Variants in ADGRB3 observed in about 807,000 individuals in gnomAD.
The protein encoded by ADGRB3 is adhesion G protein-coupled receptor B3.
ADGRB3 carries 37 observed loss-of-function variants against 193.4 expected under a neutral mutation model. That is an observed-to-expected ratio of 0.19 (90% CI 0.15 to 0.25). The LOEUF (loss-of-function observed/expected upper bound fraction) is 0.25, where lower values mean the gene tolerates loss of function less well. ADGRB3 is among the 10% of genes least tolerant of loss of function. The probability of loss-of-function intolerance (pLI) is 1.00; values close to 1 mark genes in which losing one functional copy is unlikely to be tolerated. For synonymous variants in ADGRB3, 690 were observed against 644.2 expected, an observed-to-expected ratio of 1.07 and a Z score of -1.08; for missense variants, 1,637 against 1,852.9, an observed-to-expected ratio of 0.88 and a Z score of 2.14.
chr6:69,368,001 G>T (rs920145831), intron 29 of ADGRB3, among the ~76,000 whole-genome samples: 1 of 122,368 alleles, frequency 8.2e-6, no homozygotes, highest in Non-Finnish European at 1.7e-5. Context: ...GTGGTGGGGT[G>T]GGGGGAGGGG....
intron 13 of ADGRB3, among the ~76,000 whole-genome samples, chr6:69,044,194 T>G (rs1215625964): frequency 9.2e-5 from 14 of 152,208 alleles, no homozygotes; most frequent in Non-Finnish European, 1.8e-4. Context: ...ACCACTGTTC[T>G]TATATTTTGG....
chr6:69,133,129 G>T (rs1421850371), intron 17 of ADGRB3, among the ~76,000 whole-genome samples: 1 of 152,026 alleles, frequency 6.6e-6, no homozygotes, highest in Non-Finnish European at 1.5e-5. Flanking sequence ...GGTTCCATAT[G>T]AAATTTAAAG....
At chr6:69,009,570 T>C (rs971473595) in intron 11 of ADGRB3, among the ~76,000 whole-genome samples, 1 of 152,168 alleles carries the variant, frequency 6.6e-6, no homozygotes, top group African/African-American at 2.4e-5. Context: ...GGATCACATA[T>C]GGCCTTGCAG....
chr6:69,083,175 T>C (rs1441754393), intron 17 of ADGRB3, among the ~76,000 whole-genome samples: 3 of 152,230 alleles, frequency 2.0e-5, no homozygotes, highest in Non-Finnish European at 2.9e-5. Context: ...GAGTAATACA[T>C]CTCACATCTC....
chr6:69,313,478 C>A (rs1021381568), intron 20 of ADGRB3, among the ~76,000 whole-genome samples: 1 of 151,818 alleles, frequency 6.6e-6, no homozygotes, highest in South Asian at 2.1e-4. Flanking sequence ...CAAAGTTATA[C>A]AAGAAATATT....
At chr6:69,113,947 A>G (rs551462146) in intron 17 of ADGRB3, among the ~76,000 whole-genome samples, 3 of 152,330 alleles carry the variant, frequency 2.0e-5, no homozygotes, top group South Asian at 2.1e-4. Context: ...AAAAATTTGC[A>G]TTACCTAATT....
intron 29 of ADGRB3, among the ~76,000 whole-genome samples, chr6:69,366,360 A>G (rs545839940): frequency 6.6e-6 from 1 of 152,230 alleles, no homozygotes; most frequent in Non-Finnish European, 1.5e-5. Flanking sequence ...TTTATTGGTC[A>G]CTTTGTAATA....
intron 20 of ADGRB3, among the ~76,000 whole-genome samples, chr6:69,309,524 A>T (rs1026351287): frequency 2.6e-5 from 4 of 151,728 alleles, no homozygotes; most frequent in South Asian, 2.1e-4. Context: ...TTTCTCTTTG[A>T]AATATACACT....
intron 13 of ADGRB3, among the ~76,000 whole-genome samples, chr6:69,024,762 G>A (rs949696713): frequency 1.3e-5 from 2 of 152,166 alleles, no homozygotes; most frequent in African/African-American, 4.8e-5. Flanking sequence ...CTTTGAAAAG[G>A]TAAATATTAC....
chr6:69,309,964 C>A lies in ADGRB3; in HGVS notation c.2815-14908C>A, dbSNP rs547861023. On this transcript the variant is annotated intron_variant, in intron 20 of 31. Transcript: ENST00000370598. ...AAAACACATTTCCCTTCCTTCTCCA[C>A]CCTTCCCCACCCTGTCTTCCTCAAC... is the stretch of plus-strand genomic sequence containing the variant. Among the ~76,000 whole-genome samples, 8 of 151,728 alleles carry A rather than the reference C, an allele frequency of 5.3e-5. No homozygotes were observed. The South Asian group carries it at 1.7e-3, about 31-fold the overall frequency.
intron 3 of ADGRB3, among the ~76,000 whole-genome samples, chr6:68,872,325 A>G (rs1004599617): frequency 2.0e-5 from 3 of 152,266 alleles, no homozygotes; most frequent in Admixed American, 6.5e-5. Flanking sequence ...TTTATTTTAC[A>G]TAATGCAATA....
rs563029407 is a variant in ADGRB3 at position 68,806,383 on chromosome 6, T to G, written c.758-124176T>G. On this transcript the variant is annotated intron_variant, in intron 3 of 31. Transcript: ENST00000370598. ...GTTGTTAAAATATTTTAAATTCTTT[T>G]TAATGGTTATATAATGGTCTAGAGA... Among the ~76,000 whole-genome samples, 7 of 152,230 alleles carry G rather than the reference T, an allele frequency of 4.6e-5. No homozygotes were observed. In the South Asian group the frequency reaches 1.2e-3, roughly 27 times the overall value.
chr6:69,146,482 C>G (rs1393492041), intron 17 of ADGRB3, among the ~76,000 whole-genome samples: 4 of 152,192 alleles, frequency 2.6e-5, no homozygotes, highest in Non-Finnish European at 5.9e-5. Flanking sequence ...GGGTGGGGCT[C>G]CTGCCTGCTC....
intron 8 of ADGRB3, among the ~76,000 whole-genome samples, chr6:68,962,018 C>G (rs3798970): frequency 6.6e-6 from 1 of 151,916 alleles, no homozygotes; most frequent in South Asian, 2.1e-4. Flanking sequence ...CAAATTAGGC[C>G]CTACTCAAGT....
chr6:68,996,733 CTCA>C (rs1769394393), intron 11 of ADGRB3, among the ~76,000 whole-genome samples: 2 of 152,180 alleles, frequency 1.3e-5, no homozygotes, highest in Admixed American at 6.5e-5. Context: ...TCTTCTGCAT[CTCA>C]TCATATCTTG....
intron 20 of ADGRB3, among the ~76,000 whole-genome samples, chr6:69,256,431 G>T (rs13211708): frequency 7.9e-5 from 12 of 152,178 alleles, no homozygotes; most frequent in African/African-American, 1.9e-4. Context: ...CCCTTGTAAG[G>T]TGGATTCCTA....
chr6:68,945,027 C>A (rs749914400), intron 6 of ADGRB3, among the ~76,000 whole-genome samples: 2 of 152,092 alleles, frequency 1.3e-5, no homozygotes, highest in Non-Finnish European at 2.9e-5. Context: ...TTAAATACCC[C>A]CAAGTTAATG....
chr6:69,124,418 A>G (rs1192865976), intron 17 of ADGRB3, among the ~76,000 whole-genome samples: 1 of 152,128 alleles, frequency 6.6e-6, no homozygotes, highest in Non-Finnish European at 1.5e-5. Flanking sequence ...TCTGAGTTAG[A>G]ATTCTGTAGC....
intron 20 of ADGRB3, among the ~76,000 whole-genome samples, chr6:69,304,371 T>G (rs1260656167): frequency 6.6e-6 from 1 of 151,636 alleles, no homozygotes; most frequent in Non-Finnish European, 1.5e-5. Context: ...ATTCTAGGAC[T>G]TTGAAGACTT....
Sources: allele counts gnomAD v4.1 joint callset (sites outside exome capture counted in the v4.1 genomes callset), GRCh38; gene constraint gnomAD v4.1.1; transcripts MANE v1.5; gene names NCBI Gene and HGNC (gene_info 2026-07-23, HGNC 2026-07-21).